The following MEI4 variants were observed in gnomAD, a reference collection of about 807,000 sequenced individuals.
MEI4 encodes the protein meiosis-specific protein MEI4.
MEI4 carries 27 observed loss-of-function variants against 31.4 expected under a neutral mutation model. That is an observed-to-expected ratio of 0.86 (90% CI 0.63 to 1.19). The LOEUF (loss-of-function observed/expected upper bound fraction) is 1.19, where lower values mean the gene tolerates loss of function less well. Ranked by LOEUF, MEI4 falls within the 50% of genes most tolerant of loss-of-function variation. The pLI, the probability that MEI4 is intolerant of heterozygous loss-of-function variation, is 0.00. For synonymous variants in MEI4, 122 were observed against 145.4 expected (o/e 0.84, Z 1.16); for missense variants, 329 against 398.9 (o/e 0.82, Z 1.49).
intron 3 of MEI4, among the ~76,000 whole-genome samples, chr6:77,803,363 A>G (rs1325881166): frequency 6.6e-6 from 1 of 152,054 alleles, no homozygotes; most frequent in African/African-American, 2.4e-5. Context: ...TATTCTAGGT[A>G]GTCATTGGTC....
At chr6:77,703,977 A>G (rs1328269569) in intron 2 of MEI4, among the ~76,000 whole-genome samples, 1 of 152,176 alleles carries the variant, frequency 6.6e-6, no homozygotes, top group Admixed American at 6.5e-5. Flanking sequence ...GCATGCTGGT[A>G]CTTTGAGAAG....
chr6:77,829,955 A>G (rs1371551531), intron 4 of MEI4, among the ~76,000 whole-genome samples: 1 of 152,090 alleles, frequency 6.6e-6, no homozygotes, highest in African/African-American at 2.4e-5. Flanking sequence ...CAAATTTTCA[A>G]ATGACTACAA....
At chr6:77,803,188 T>G (rs1769320192) in intron 3 of MEI4, among the ~76,000 whole-genome samples, 1 of 152,244 alleles carries the variant, frequency 6.6e-6, no homozygotes, top group Non-Finnish European at 1.5e-5. Flanking sequence ...TACTTTTTTC[T>G]CTAAACTTCT....
intron 4 of MEI4, among the ~76,000 whole-genome samples, chr6:77,840,339 A>C (rs1292820559): frequency 6.6e-6 from 1 of 152,186 alleles, no homozygotes; most frequent in Non-Finnish European, 1.5e-5. Context: ...AAAATTGAAC[A>C]AAGTCTCAGG....
intron 2 of MEI4, among the ~76,000 whole-genome samples, chr6:77,696,689 G>T (rs1449030669): frequency 6.6e-6 from 1 of 151,394 alleles, no homozygotes; most frequent in South Asian, 2.1e-4. Flanking sequence ...GAGGATTTTT[G>T]CATCAATGTT....
chr6:77,860,119 G>A (rs2127720863), intron 4 of MEI4, among the ~76,000 whole-genome samples: 1 of 152,282 alleles, frequency 6.6e-6, no homozygotes, highest in Non-Finnish European at 1.5e-5. Context: ...GATGGGCATT[G>A]AGCATTCTCA....
At chr6:77,875,737 G>A (rs1332063425) in intron 4 of MEI4, among the ~76,000 whole-genome samples, 1 of 152,108 alleles carries the variant, frequency 6.6e-6, no homozygotes, top group Non-Finnish European at 1.5e-5. Flanking sequence ...TCTGAAAATT[G>A]TAAGAGTTTC....
At chr6:77,916,973 G>C (rs1489248595) in intron 4 of MEI4, among the ~76,000 whole-genome samples, 1 of 134,456 alleles carries the variant, frequency 7.4e-6, no homozygotes, top group Non-Finnish European at 1.5e-5. Flanking sequence ...TCCTGTGTCC[G>C]TGTGATCTCA....
At chr6:77,679,773 C>T (rs1159652204) in intron 1 of MEI4, among the ~76,000 whole-genome samples, 1 of 151,830 alleles carries the variant, frequency 6.6e-6, no homozygotes, top group Non-Finnish European at 1.5e-5. Context: ...GACAGTCTCG[C>T]TCCGTCTCCC....
intron 3 of MEI4, among the ~76,000 whole-genome samples, chr6:77,804,424 T>G (rs1769373351): frequency 6.6e-6 from 1 of 152,226 alleles, no homozygotes; most frequent in Non-Finnish European, 1.5e-5. Flanking sequence ...TGCCTCGCTT[T>G]GCTTTGGCTC....
At chr6:77,655,092 T>C (rs1768368760) in intron 1 of MEI4, among the ~76,000 whole-genome samples, 1 of 152,040 alleles carries the variant, frequency 6.6e-6, no homozygotes, top group Admixed American at 6.6e-5. Context: ...TGTGTGATGT[T>C]CCCCTCCCTG....
chr6:77,685,184 T>A (rs979503801), intron 1 of MEI4, among the ~76,000 whole-genome samples: 4 of 152,136 alleles, frequency 2.6e-5, no homozygotes, highest in Non-Finnish European at 4.4e-5. Flanking sequence ...CTTTTGCCCA[T>A]GTTTTCATTG....
At chr6:77,921,708 T>C (rs767427231) in intron 4 of MEI4, among the ~76,000 whole-genome samples, 3 of 151,816 alleles carry the variant, frequency 2.0e-5, no homozygotes, top group Non-Finnish European at 2.9e-5. Flanking sequence ...TTTGTAGGGT[T>C]ATTAATTGGC....
intron 4 of MEI4, among the ~76,000 whole-genome samples, chr6:77,915,914 A>G (rs536384070): frequency 6.6e-6 from 1 of 152,106 alleles, no homozygotes; most frequent in South Asian, 2.1e-4. Context: ...TGTTTCCTTT[A>G]TCATGGTGCC....
chr6:77,691,399 C>G, intron 2 of MEI4, among the ~76,000 whole-genome samples: 1 of 151,912 alleles, frequency 6.6e-6, no homozygotes, highest in Non-Finnish European at 1.5e-5. Context: ...TGACAAAATA[C>G]AGAGGAGGAA....
intron 1 of MEI4, among the ~76,000 whole-genome samples, chr6:77,659,637 A>G (rs1298367587): frequency 1.3e-5 from 2 of 152,142 alleles, no homozygotes; most frequent in African/African-American, 2.4e-5. Flanking sequence ...CTGATGAGCA[A>G]GGGGAAGGTA....
intron 1 of MEI4, among the ~76,000 whole-genome samples, chr6:77,665,682 T>C (rs1768616550): frequency 6.6e-6 from 1 of 152,150 alleles, no homozygotes. Flanking sequence ...TCCCAGTCCG[T>C]GACCGGCGCC....
At chr6:77,839,339 G>A (rs1770301473) in intron 4 of MEI4, among the ~76,000 whole-genome samples, 1 of 152,100 alleles carries the variant, frequency 6.6e-6, no homozygotes, top group Admixed American at 6.5e-5. Context: ...GAACAGAAGG[G>A]GGTGATGGTG....
chr6:77,759,515 T>TTATAA (rs1418678624), intron 2 of MEI4, among the ~76,000 whole-genome samples: 1 of 152,166 alleles, frequency 6.6e-6, no homozygotes, highest in Non-Finnish European at 1.5e-5. Flanking sequence ...AACCTGAACT[T>TTATAA]TTTATAGTCT....
Sources: gnomAD v4.1 joint callset for allele counts (sites outside exome capture counted in the v4.1 genomes callset) on GRCh38, gnomAD v4.1.1 for gene constraint, MANE v1.5 for transcripts, NCBI Gene and HGNC (gene_info 2026-07-23, HGNC 2026-07-21) for gene names.